The following PCDH15 variants were observed in gnomAD, a reference collection of about 807,000 sequenced individuals.
The protein encoded by PCDH15 is protocadherin related 15.
Under a neutral mutation model 178.5 loss-of-function variants are expected in PCDH15, and 129 were observed. The ratio of observed to expected loss-of-function variants is 0.72; its 90% CI spans 0.63 to 0.84. The LOEUF is 0.84. Ranked by LOEUF, PCDH15 falls within the 40% of genes least tolerant of loss-of-function variation. The probability of loss-of-function intolerance (pLI) is 0.00; values close to 1 mark genes in which losing one functional copy is unlikely to be tolerated. For synonymous variants in PCDH15, 800 were observed against 732.0 expected, an observed-to-expected ratio of 1.09 and a Z score of -1.50; for missense variants, 2,230 against 2,099.9, an observed-to-expected ratio of 1.06 and a Z score of -1.21.
intron 3 of PCDH15, among the ~76,000 whole-genome samples, chr10:54,391,693 G>A (rs1565158581): frequency 6.6e-6 from 1 of 151,954 alleles, no homozygotes; most frequent in Non-Finnish European, 1.5e-5. Context: ...CACATACCTG[G>A]CTATTATTTA....
chr10:54,881,271 A>C (rs1324113387), intron 3 of PCDH15, among the ~76,000 whole-genome samples: 1 of 152,090 alleles, frequency 6.6e-6, no homozygotes, highest in Non-Finnish European at 1.5e-5. Context: ...AGTGACAGGC[A>C]GACCTATTCT....
chr10:55,099,263 A>G (rs1426283478), intron 2 of PCDH15, among the ~76,000 whole-genome samples: 1 of 152,092 alleles, frequency 6.6e-6, no homozygotes, highest in Non-Finnish European at 1.5e-5. Flanking sequence ...TTCAAATTTC[A>G]TATTCATTAT....
chr10:55,021,236 T>C (rs973402261), intron 2 of PCDH15, among the ~76,000 whole-genome samples: 4 of 152,210 alleles, frequency 2.6e-5, no homozygotes, highest in African/African-American at 4.8e-5. Context: ...CACAAATATG[T>C]TACTAAACCA....
chr10:54,671,783 A>G lies in PCDH15; in HGVS notation c.-28-7493T>C, dbSNP rs1348862380. ...GTCCATATAGAGTTTTCAGTCTAACAGAGTGTGACAGTCACACCTAAAGTA... is the reference window on the plus strand; with the variant it reads ...GTCCATATAGAGTTTTCAGTCTAACGGAGTGTGACAGTCACACCTAAAGTA... On this transcript the variant is annotated intron_variant, in intron 1 of 37. Transcript: ENST00000644397. Among the ~76,000 whole-genome samples the G allele has an allele frequency of 2.6e-5, 4 of 152,222 alleles. No individual in the cohort carries two copies. In the East Asian group the frequency reaches 7.7e-4, roughly 29 times the overall value.
chr10:54,998,602 T>C (rs532543655), intron 2 of PCDH15, among the ~76,000 whole-genome samples: 1 of 152,288 alleles, frequency 6.6e-6, no homozygotes, highest in Admixed American at 6.5e-5. Context: ...AAGCTCTTAG[T>C]GTTTATGAAG....
intron 1 of PCDH15, among the ~76,000 whole-genome samples, chr10:54,687,101 G>A (rs1468826623): frequency 1.3e-5 from 2 of 152,040 alleles, no homozygotes; most frequent in Non-Finnish European, 2.9e-5. Flanking sequence ...CTGTCAGTAT[G>A]GCTATTACAA....
chr10:54,249,411 G>A (rs1470246184), intron 8 of PCDH15, among the ~76,000 whole-genome samples: 2 of 152,124 alleles, frequency 1.3e-5, no homozygotes, highest in Non-Finnish European at 2.9e-5. Flanking sequence ...AGTGTTGCTA[G>A]TTAAGCATAA....
chr10:55,167,794 C>A (rs1463462720), intron 1 of PCDH15, among the ~76,000 whole-genome samples: 2 of 151,848 alleles, frequency 1.3e-5, no homozygotes, highest in African/African-American at 2.4e-5. Flanking sequence ...TTCTTACAAC[C>A]AAAGTTTGGT....
chr10:54,918,541 G>A lies in PCDH15; in HGVS notation c.-79-21041C>T, dbSNP rs1468045280. On this transcript the variant is annotated intron_variant, in intron 2 of 5. Transcript: ENST00000458638. ...GAGCAGTGCCTTTGTGAAACACATG[G>A]CTAATTTGTGGCAGCACTAACATGA... Among the ~76,000 whole-genome samples the A allele has an allele frequency of 2.6e-5, 4 of 152,218 alleles. No individual in the cohort carries two copies. In the South Asian group the frequency reaches 8.3e-4, roughly 32 times the overall value.
intron 4 of PCDH15, among the ~76,000 whole-genome samples, chr10:54,378,230 A>G (rs1348223091): frequency 6.6e-6 from 1 of 151,990 alleles, no homozygotes; most frequent in Non-Finnish European, 1.5e-5. Context: ...GCCAAGCCCA[A>G]TATAGATATT....
intron 1 of PCDH15, among the ~76,000 whole-genome samples, chr10:54,725,370 T>C (rs1462341336): frequency 6.6e-6 from 1 of 150,408 alleles, no homozygotes; most frequent in East Asian, 1.9e-4. Context: ...TGAAGTTTAA[T>C]TCAAAATTAC....
intron 1 of PCDH15, among the ~76,000 whole-genome samples, chr10:55,305,472 A>G (rs1429004862): frequency 2.0e-5 from 3 of 152,352 alleles, no homozygotes; most frequent in African/African-American, 7.2e-5. Flanking sequence ...GCCTGTAGCC[A>G]GCTGAGGCCC....
At chr10:54,881,852 A>C (rs1954268376) in intron 3 of PCDH15, among the ~76,000 whole-genome samples, 1 of 152,132 alleles carries the variant, frequency 6.6e-6, no homozygotes, top group Non-Finnish European at 1.5e-5. Flanking sequence ...TTTGTTTATA[A>C]GTGTTTTCTC....
intron 5 of PCDH15, among the ~76,000 whole-genome samples, chr10:54,358,652 C>T (rs1329188122): frequency 1.3e-5 from 2 of 151,982 alleles, no homozygotes; most frequent in African/African-American, 2.4e-5. Flanking sequence ...CCAGCCATCC[C>T]ATTACTGGGT....
chr10:55,420,486 A>G (rs1266871502), intron 2 of PCDH15, among the ~76,000 whole-genome samples: 1 of 151,348 alleles, frequency 6.6e-6, no homozygotes, highest in African/African-American at 2.4e-5. Context: ...TCTTCAGAGT[A>G]GTACCTGACA....
chr10:54,514,268 C>A (rs1426926110), intron 3 of PCDH15, among the ~76,000 whole-genome samples: 2 of 152,076 alleles, frequency 1.3e-5, no homozygotes, highest in African/African-American at 4.8e-5. Flanking sequence ...ATCTCTGATT[C>A]CTTCTAAAGA....
chr10:54,752,613 A>AGTG, intron 1 of PCDH15, among the ~76,000 whole-genome samples: 1 of 152,176 alleles, frequency 6.6e-6, no homozygotes, highest in African/African-American at 2.4e-5. Context: ...CCCTGCATGA[A>AGTG]TATATTCAAC....
chr10:55,295,178 T>G (rs1843101034), intron 1 of PCDH15, among the ~76,000 whole-genome samples: 1 of 152,228 alleles, frequency 6.6e-6, no homozygotes, highest in African/African-American at 2.4e-5. Flanking sequence ...TGTGTACATA[T>G]GCAAAATCTA....
At chr10:55,324,737 A>G (rs1360090100) in intron 2 of PCDH15, among the ~76,000 whole-genome samples, 1 of 152,108 alleles carries the variant, frequency 6.6e-6, no homozygotes, top group Non-Finnish European at 1.5e-5. Flanking sequence ...GACCAAATAG[A>G]CCAAATAGAC....
Sources: allele counts gnomAD v4.1 joint callset (sites outside exome capture counted in the v4.1 genomes callset), GRCh38; gene constraint gnomAD v4.1.1; transcripts MANE v1.5; gene names NCBI Gene and HGNC (gene_info 2026-07-23, HGNC 2026-07-21).